Variants in LPIN2 observed in about 807,000 individuals in gnomAD.
The protein encoded by LPIN2 is lipin 2, also known as phosphatidate phosphatase LPIN2.
A neutral mutation model predicts 111.4 loss-of-function variants in LPIN2; 55 were observed. The observed-to-expected ratio is 0.49, with a 90% CI of 0.40 to 0.62. The LOEUF (loss-of-function observed/expected upper bound fraction) is 0.62. Among genes scored for constraint, LPIN2 ranks in the 20% least tolerant of loss-of-function variants. The pLI, the probability that LPIN2 is intolerant of heterozygous loss-of-function variation, is 0.00. For synonymous variants in LPIN2, 425 were observed against 414.0 expected (o/e 1.03, Z -0.32); for missense variants, 992 against 1,112.1 (o/e 0.89, Z 1.54).
At chr18:2,968,546 T>C (rs1005471132) in intron 1 of LPIN2, among the ~76,000 whole-genome samples, 1 of 150,738 alleles carries the variant, frequency 6.6e-6, no homozygotes, top group African/African-American at 2.4e-5. Flanking sequence ...TTTGGGAGAC[T>C]GTTAGGAAGA....
At chr18:2,998,354 G>GA (rs1404187494) in intron 1 of LPIN2, among the ~76,000 whole-genome samples, 3 of 152,226 alleles carry the variant, frequency 2.0e-5, no homozygotes, top group Non-Finnish European at 4.4e-5. Context: ...GGACTTCCAA[G>GA]AGCAACAGCA....
intron 4 of LPIN2, among the ~76,000 whole-genome samples, chr18:2,947,482 A>G (rs1328428359): frequency 6.6e-6 from 1 of 152,226 alleles, no homozygotes; most frequent in Non-Finnish European, 1.5e-5. Context: ...AAAGCCGTGT[A>G]TAGTTTAAAG....
chr18:2,997,005 A>G (rs2078355436), intron 1 of LPIN2, among the ~76,000 whole-genome samples: 1 of 64,932 alleles, frequency 1.5e-5, no homozygotes, highest in Non-Finnish European at 3.5e-5. Context: ...CTTTTGAGAC[A>G]GAGTCTCACT....
At chr18:2,949,049 C>T (rs567134009) in intron 4 of LPIN2, among the ~76,000 whole-genome samples, 8 of 152,228 alleles carry the variant, frequency 5.3e-5, no homozygotes, top group African/African-American at 1.7e-4. Flanking sequence ...GTGATCCTCC[C>T]GCCTTGGCCT....
intron 1 of LPIN2, among the ~76,000 whole-genome samples, chr18:2,980,040 G>A (rs1201850909): frequency 6.6e-6 from 1 of 152,182 alleles, no homozygotes; most frequent in African/African-American, 2.4e-5. Flanking sequence ...TAAAACTTAG[G>A]GGAGTTAGGA....
chr18:2,945,865 CT>C, intron 4 of LPIN2: 2 of 1,476,236 alleles, frequency 1.4e-6, no homozygotes, highest in Non-Finnish European at 9.5e-7. Flanking sequence ...CATGGAACAA[CT>C]TTTTTCCCAG....
intron 2 of LPIN2, 48 bp downstream of exon 2, chr18:2,960,601 T>C (rs1298817172): frequency 6.3e-7 from 1 of 1,588,778 alleles, no homozygotes; most frequent in Non-Finnish European, 8.6e-7. Context: ...CTCACTCACT[T>C]TCTCTTTGAA....
At position 2,919,642 on chromosome 18, in the gene LPIN2, A is replaced by ATGAGAGGAGGATGCTCTG. The variant is rs1455130816; in HGVS notation, c.*633_*650dup. The ATGAGAGGAGGATGCTCTG allele has an allele frequency of 6.4e-6, 1 of 156,676 alleles. No homozygotes were observed. The highest frequency in any genetic ancestry group is 1.9e-4 in the East Asian group (1 of 5,250). The allele number at this position is 156,676 out of a possible 1,614,324, so 9.7% of individuals were successfully genotyped here. A position where few individuals can be genotyped will look rare whatever the true frequency, so the allele number is the denominator to read the frequency against. The stretch of plus-strand genomic sequence containing the variant: ...TTAAGGGCTCGTGGAGTTGTCACAG[A>ATGAGAGGAGGATGCTCTG]TGAGAGGAGGATGCTCTGTGGGGAT... On this transcript the variant is annotated 3_prime_UTR_variant, in exon 20 of 20. Coordinates refer to ENST00000677752, the MANE Select transcript of LPIN2 (RefSeq NM_001375808.2).
chr18:2,956,310 G>GT (rs1301914297), intron 2 of LPIN2, among the ~76,000 whole-genome samples: 13 of 88,434 alleles, frequency 1.5e-4, no homozygotes, highest in East Asian at 3.1e-4. Flanking sequence ...ATAGATGCAG[G>GT]GGTGTGTGTG....
intron 1 of LPIN2, among the ~76,000 whole-genome samples, chr18:3,001,770 C>A (rs538452307): frequency 6.6e-6 from 1 of 152,076 alleles, no homozygotes; most frequent in African/African-American, 2.4e-5. Flanking sequence ...GTACTATGTA[C>A]TTAAATGTTT....
At chr18:3,003,804 A>C (rs556634498) in intron 1 of LPIN2, among the ~76,000 whole-genome samples, 60 of 152,356 alleles carry the variant, frequency 3.9e-4, no homozygotes, top group African/African-American at 1.4e-3. Flanking sequence ...TCAGGGAACA[A>C]TGGAAGATAA....
At chr18:2,944,805 T>C (rs1413677240) in intron 4 of LPIN2, among the ~76,000 whole-genome samples, 1 of 152,196 alleles carries the variant, frequency 6.6e-6, no homozygotes, top group Non-Finnish European at 1.5e-5. Context: ...CATTTAAATA[T>C]TCAGGAAAGA....
At chr18:2,959,144 T>A (rs1024049598) in intron 2 of LPIN2, among the ~76,000 whole-genome samples, 1 of 152,172 alleles carries the variant, frequency 6.6e-6, no homozygotes, top group East Asian at 1.9e-4. Flanking sequence ...AGTCCCTAAG[T>A]AAACTGCAAC....
intron 1 of LPIN2, among the ~76,000 whole-genome samples, chr18:3,011,214 GCTT>G (rs1471204099): frequency 4.6e-5 from 7 of 152,140 alleles, no homozygotes; most frequent in Admixed American, 2.0e-4. Context: ...TCTATTATTT[GCTT>G]CTTAACAGTG....
At chr18:2,940,733 A>G (rs763070543) in intron 4 of LPIN2, 21 bp from the exon 5 acceptor site, 2 of 1,411,322 alleles carry the variant, frequency 1.4e-6, no homozygotes, top group African/African-American at 1.4e-5. Flanking sequence ...GAAACCAAAG[A>G]AAGGCAGGAA....
At chr18:2,979,534 A>G (rs927235449) in intron 1 of LPIN2, among the ~76,000 whole-genome samples, 7 of 152,208 alleles carry the variant, frequency 4.6e-5, no homozygotes, top group Non-Finnish European at 8.8e-5. Context: ...TGCTAAATGA[A>G]GACAATTTTG....
In LPIN2 at chr18:2,980,630, T is replaced by C. The variant is rs1039436986; in HGVS notation, c.-9-19781A>G. The stretch of plus-strand genomic sequence containing the variant: ...AGAGGTGCCCATGTCCTTTGATAAA[T>C]AGCTCACAGAGATGAGAATTGAGGG... On this transcript the variant is annotated intron_variant, in intron 1 of 19. Coordinates refer to ENST00000677752, the MANE Select transcript of LPIN2 (RefSeq NM_001375808.2). Among the ~76,000 whole-genome samples, 4 of 152,210 alleles carry C rather than the reference T, an allele frequency of 2.6e-5. No individual in the cohort carries two copies. In the South Asian group the frequency reaches 6.2e-4, roughly 24 times the overall value.
intron 8 of LPIN2, among the ~76,000 whole-genome samples, chr18:2,933,494 T>C (rs2077242327): frequency 6.6e-6 from 1 of 152,232 alleles, no homozygotes; most frequent in Non-Finnish European, 1.5e-5. Context: ...AGTAGATATG[T>C]TGAGATAAAT....
intron 1 of LPIN2, among the ~76,000 whole-genome samples, chr18:2,989,553 C>T (rs1306710964): frequency 6.6e-6 from 1 of 152,116 alleles, no homozygotes; most frequent in African/African-American, 2.4e-5. Context: ...ACAAGGGGCC[C>T]TGACTAGCCA....
Sources: allele counts gnomAD v4.1 joint callset (sites outside exome capture counted in the v4.1 genomes callset), GRCh38; gene constraint gnomAD v4.1.1; transcripts MANE v1.5; gene names NCBI Gene and HGNC (gene_info 2026-07-23, HGNC 2026-07-21).